Variants in ATXN7L1 observed in about 807,000 individuals in gnomAD.
ATXN7L1 encodes ataxin-7-like protein 1.
A neutral mutation model predicts 70.8 loss-of-function variants in ATXN7L1; 15 were observed. The observed-to-expected ratio is 0.21, with a 90% CI of 0.14 to 0.33. ATXN7L1 has a LOEUF of 0.33. Ranked by LOEUF, ATXN7L1 falls within the 10% of genes least tolerant of loss-of-function variation. The pLI is 1.00. For synonymous variants in ATXN7L1, 440 were observed against 445.1 expected (o/e 0.99, Z 0.14); for missense variants, 975 against 1,097.1 (o/e 0.89, Z 1.57).
At chr7:105,839,046 A>G (rs1812819244) in intron 2 of ATXN7L1, among the ~76,000 whole-genome samples, 2 of 152,262 alleles carry the variant, frequency 1.3e-5, no homozygotes, top group African/African-American at 4.8e-5. Flanking sequence ...TAGGAAAGCC[A>G]GCCCCTGCGG....
At chr7:105,760,008 C>T (rs1169121349) in intron 3 of ATXN7L1, among the ~76,000 whole-genome samples, 1 of 152,166 alleles carries the variant, frequency 6.6e-6, no homozygotes, top group Admixed American at 6.5e-5. Flanking sequence ...GATTTTCCCC[C>T]CTCATTCTCC....
At chr7:105,741,905 C>T (rs1037607270) in intron 3 of ATXN7L1, among the ~76,000 whole-genome samples, 1 of 152,172 alleles carries the variant, frequency 6.6e-6, no homozygotes, top group Non-Finnish European at 1.5e-5. Context: ...CAGCAAACCA[C>T]CAGAAGCCAG....
intron 7 of ATXN7L1, among the ~76,000 whole-genome samples, chr7:105,635,332 T>C (rs530297988): frequency 3.9e-5 from 6 of 152,294 alleles, no homozygotes; most frequent in Non-Finnish European, 8.8e-5. Context: ...CATATGAGTG[T>C]GTTATTCCAG....
At chr7:105,802,512 G>C (rs530788929) in intron 2 of ATXN7L1, among the ~76,000 whole-genome samples, 2 of 152,266 alleles carry the variant, frequency 1.3e-5, no homozygotes, top group Admixed American at 1.3e-4. Flanking sequence ...CAGCAGTCAG[G>C]TGAGTCAGGG....
At chr7:105,723,741 T>C (rs536272208) in intron 3 of ATXN7L1, among the ~76,000 whole-genome samples, 4 of 152,210 alleles carry the variant, frequency 2.6e-5, no homozygotes, top group Admixed American at 2.6e-4. Flanking sequence ...GTCAAAACCC[T>C]TTTTGTTTTG....
intron 2 of ATXN7L1, among the ~76,000 whole-genome samples, chr7:105,802,668 A>G (rs1284128527): frequency 6.6e-6 from 1 of 152,184 alleles, no homozygotes; most frequent in Non-Finnish European, 1.5e-5. Context: ...CTTGCTTACC[A>G]GGAAAAACAA....
At chr7:105,874,179 C>T (rs1324518849) in intron 2 of ATXN7L1, among the ~76,000 whole-genome samples, 4 of 143,298 alleles carry the variant, frequency 2.8e-5, no homozygotes, top group African/African-American at 7.8e-5. Context: ...AATCTGAGAA[C>T]AACAGTCTTC....
intron 2 of ATXN7L1, among the ~76,000 whole-genome samples, 177 bp downstream of exon 2, chr7:105,875,635 C>CCT (rs1238525335): frequency 1.6e-5 from 2 of 127,584 alleles, no homozygotes; most frequent in Non-Finnish European, 3.4e-5. Context: ...TTACCCCCCC[C>CCT]CCAGTTGTAT....
At chr7:105,788,751 A>C (rs1196020558) in intron 2 of ATXN7L1, 43 bp from the exon 3 acceptor site, 1 of 1,458,878 alleles carries the variant, frequency 6.9e-7, no homozygotes, top group African/African-American at 1.4e-5. Context: ...AAAAGCAATT[A>C]AGTCTCAGAA....
chr7:105,614,858 G>A lies in ATXN7L1; in HGVS notation c.1518-42C>T, dbSNP rs368999647. ...AGTGAAAGAGAATCAGTGAGACATC[G>A]GGTTGGCATTGCTCAGGAGGCTCGA... On this transcript the variant is annotated intron_variant, in intron 9 of 11. Transcript: ENST00000419735. This position sits in a 1 kb window ranked among gnomAD's most constrained non-coding sequence, Gnocchi z 4.3. 105 of 1,519,158 alleles carry A rather than the reference G, an allele frequency of 6.9e-5. No individual in the cohort carries two copies. The African/African-American group carries it at 8.7e-4, about 13-fold the overall frequency. 94.1% of individuals were successfully genotyped at this position (1,519,158 alleles called of 1,614,324 possible).
chr7:105,639,272 G>GTTT (rs11357544), intron 6 of ATXN7L1, among the ~76,000 whole-genome samples: 8 of 128,068 alleles, frequency 6.2e-5, no homozygotes, highest in African/African-American at 8.6e-5. Context: ...GGGAAGCCTA[G>GTTT]TTTTTTTTTT....
chr7:105,776,220 G>C (rs1055324162), intron 3 of ATXN7L1, among the ~76,000 whole-genome samples: 3 of 152,220 alleles, frequency 2.0e-5, no homozygotes, highest in Non-Finnish European at 4.4e-5. Context: ...GAAGCCAGGG[G>C]TCACGTTACA....
chr7:105,714,534 A>C (rs1000800723), intron 3 of ATXN7L1, among the ~76,000 whole-genome samples: 3 of 152,232 alleles, frequency 2.0e-5, no homozygotes, highest in African/African-American at 7.2e-5. Flanking sequence ...GTTTTGAGTC[A>C]GAAGTTTTGA....
chr7:105,712,352 G>A (rs1012112487), intron 3 of ATXN7L1, among the ~76,000 whole-genome samples: 1 of 152,172 alleles, frequency 6.6e-6, no homozygotes, highest in Non-Finnish European at 1.5e-5. Context: ...TCTGCAGCAG[G>A]CTTGAATTTC....
chr7:105,661,404 C>G (rs145741703), intron 4 of ATXN7L1, among the ~76,000 whole-genome samples: 1 of 152,160 alleles, frequency 6.6e-6, no homozygotes, highest in African/African-American at 2.4e-5. Flanking sequence ...GTAGAGGGTC[C>G]GTTATGTTGG....
At chr7:105,755,409 A>C (rs1461698573) in intron 3 of ATXN7L1, among the ~76,000 whole-genome samples, 1 of 152,170 alleles carries the variant, frequency 6.6e-6, no homozygotes, top group Non-Finnish European at 1.5e-5. Context: ...CAAGGTAAGG[A>C]GGGGAAAGGC....
intron 2 of ATXN7L1, among the ~76,000 whole-genome samples, chr7:105,825,936 G>A (rs1316314660): frequency 6.6e-6 from 1 of 152,174 alleles, no homozygotes; most frequent in East Asian, 1.9e-4. Flanking sequence ...CATAGGGAAG[G>A]GATGGAGGAA....
At chr7:105,833,814 GA>G (rs896215400) in intron 2 of ATXN7L1, among the ~76,000 whole-genome samples, 2 of 152,214 alleles carry the variant, frequency 1.3e-5, no homozygotes, top group Non-Finnish European at 2.9e-5. Context: ...GGATGAAGAA[GA>G]GGGGGTATAG....
chr7:105,647,953 C>T (rs2115960899), intron 4 of ATXN7L1, among the ~76,000 whole-genome samples: 1 of 152,254 alleles, frequency 6.6e-6, no homozygotes, highest in South Asian at 2.1e-4. Context: ...TCAATGATTC[C>T]AGAACTCAGC....
Sources: gnomAD v4.1 joint callset for allele counts (sites outside exome capture counted in the v4.1 genomes callset) on GRCh38, gnomAD v4.1.1 for gene constraint, Gnocchi (gnomAD v3.1) non-coding constraint, MANE v1.5 for transcripts, NCBI Gene and HGNC (gene_info 2026-07-23, HGNC 2026-07-21) for gene names.